The following PPARGC1A variants were observed in gnomAD, a reference collection of about 807,000 sequenced individuals.
PPARGC1A encodes the protein PPARG coactivator 1 alpha, also known as peroxisome proliferator-activated receptor gamma coactivator 1-alpha.
Under a neutral mutation model 88.7 loss-of-function variants are expected in PPARGC1A, and 25 were observed. The ratio of observed to expected loss-of-function variants is 0.28; its 90% confidence interval spans 0.21 to 0.39. The LOEUF is 0.39. PPARGC1A is among the 10% of genes least tolerant of loss of function. The pLI, the probability that PPARGC1A is intolerant of heterozygous loss-of-function variation, is 1.00. For synonymous variants in PPARGC1A, 363 were observed against 355.6 expected (o/e 1.02, Z -0.24); for missense variants, 880 against 968.7 (o/e 0.91, Z 1.22).
At chr4:23,909,572 T>C in the PPARGC1A span, among the ~76,000 whole-genome samples, 1 of 151,680 alleles carries the variant, frequency 6.6e-6, no homozygotes, top group Non-Finnish European at 1.5e-5. Flanking sequence ...TTTTGAGGGG[T>C]GCCTGCTGGG....
the PPARGC1A span, among the ~76,000 whole-genome samples, chr4:24,125,124 G>T: frequency 6.6e-6 from 1 of 152,146 alleles, no homozygotes; most frequent in Non-Finnish European, 1.5e-5. Context: ...TGTATTTTAT[G>T]ATCAATTCAA....
the PPARGC1A span, among the ~76,000 whole-genome samples, chr4:24,291,432 C>T: frequency 6.7e-6 from 1 of 148,426 alleles, no homozygotes; most frequent in African/African-American, 2.5e-5. Context: ...TGGCATTGAA[C>T]AATGAATCAT....
the PPARGC1A span, among the ~76,000 whole-genome samples, chr4:23,953,849 T>TG: frequency 6.6e-6 from 1 of 152,056 alleles, no homozygotes; most frequent in African/African-American, 2.4e-5. Flanking sequence ...TTGTCACATG[T>TG]GGAAAACAAT....
intron 1 of PPARGC1A, among the ~76,000 whole-genome samples, chr4:23,888,157 C>T (rs2970874): frequency 0.032 from 4,822 of 152,266 alleles, 239 homozygotes; most frequent in African/African-American, 0.11. Flanking sequence ...GAGCCGCTGC[C>T]ATGTAGGCAA....
the PPARGC1A span, among the ~76,000 whole-genome samples, chr4:23,977,135 C>T: frequency 6.6e-6 from 1 of 152,100 alleles, no homozygotes; most frequent in Admixed American, 6.5e-5. Flanking sequence ...GAGAGGAATG[C>T]TCCTTGGTAT....
chr4:24,033,465 A>C, the PPARGC1A span, among the ~76,000 whole-genome samples: 1 of 152,122 alleles, frequency 6.6e-6, no homozygotes, highest in Non-Finnish European at 1.5e-5. Context: ...ACAGAAGAGC[A>C]GTGTAAGAGA....
At chr4:23,891,743 T>G (rs1291778534), upstream of PPARGC1A, among the ~76,000 whole-genome samples, 1 of 152,166 alleles carries the variant, frequency 6.6e-6, no homozygotes, top group East Asian at 1.9e-4. Flanking sequence ...ATTTTCCCTT[T>G]TATAAACAGC....
At chr4:24,148,542 C>A in the PPARGC1A span, among the ~76,000 whole-genome samples, 6 of 152,190 alleles carry the variant, frequency 3.9e-5, no homozygotes, top group Non-Finnish European at 2.9e-5. Flanking sequence ...ATGTAAGCAA[C>A]ATAGCCTCTG....
intron 2 of PPARGC1A, among the ~76,000 whole-genome samples, chr4:23,850,311 G>A (rs938770149): frequency 2.6e-5 from 4 of 152,130 alleles, no homozygotes; most frequent in African/African-American, 9.7e-5. Flanking sequence ...GGGAGCTGTC[G>A]CTAAAATAAA....
the PPARGC1A span, among the ~76,000 whole-genome samples, chr4:24,355,522 C>T: frequency 6.6e-6 from 1 of 152,072 alleles, no homozygotes; most frequent in Admixed American, 6.5e-5. Flanking sequence ...TACAAAATCC[C>T]AGGTGTGGGT....
chr4:24,116,469 A>G, the PPARGC1A span, among the ~76,000 whole-genome samples: 1 of 152,208 alleles, frequency 6.6e-6, no homozygotes, highest in African/African-American at 2.4e-5. Flanking sequence ...AAATAACAAG[A>G]TTTCTAAAAG....
the PPARGC1A span, among the ~76,000 whole-genome samples, chr4:24,362,165 C>T: frequency 6.6e-6 from 1 of 152,150 alleles, no homozygotes; most frequent in African/African-American, 2.4e-5. Context: ...ATTCCCAGTG[C>T]CTGCCCTTCA....
intron 2 of PPARGC1A, among the ~76,000 whole-genome samples, chr4:23,868,825 T>C (rs1023821060): frequency 6.6e-6 from 1 of 152,280 alleles, no homozygotes; most frequent in Admixed American, 6.5e-5. Context: ...ATACCGTTTA[T>C]GGAAATGGTG....
chr4:23,829,115 C>G (rs577473444), intron 4 of PPARGC1A, among the ~76,000 whole-genome samples: 3 of 152,306 alleles, frequency 2.0e-5, no homozygotes, highest in Non-Finnish European at 2.9e-5. Flanking sequence ...TCAGGTTAGA[C>G]AGCTAGCAAA....
chr4:24,006,062 C>CT, the PPARGC1A span, among the ~76,000 whole-genome samples: 1 of 151,810 alleles, frequency 6.6e-6, no homozygotes, highest in African/African-American at 2.4e-5. Flanking sequence ...TTTTGTTTTG[C>CT]TTTTTTGAGA....
At chr4:24,132,453 T>A in the PPARGC1A span, among the ~76,000 whole-genome samples, 1,086 of 152,298 alleles carry the variant, frequency 7.1e-3, 12 homozygotes, top group African/African-American at 0.025. Context: ...AGTTAAACAG[T>A]GCAGAACTCT....
the PPARGC1A span, among the ~76,000 whole-genome samples, chr4:24,387,826 G>GAAAGAA: frequency 6.6e-3 from 347 of 52,954 alleles, 18 homozygotes; most frequent in Middle Eastern, 0.031. Flanking sequence ...GAAAGAAAGA[G>GAAAGAA]AGAAAGAGAG....
chr4:23,936,523 G>C, the PPARGC1A span, among the ~76,000 whole-genome samples: 1 of 152,122 alleles, frequency 6.6e-6, no homozygotes, highest in South Asian at 2.1e-4. Context: ...GATCACCTGA[G>C]GTCTGGAGTT....
chr4:24,053,384 A>G, the PPARGC1A span, among the ~76,000 whole-genome samples: 1 of 152,190 alleles, frequency 6.6e-6, no homozygotes, highest in Non-Finnish European at 1.5e-5. Flanking sequence ...AGCAAAATAC[A>G]AGAGAGAGTA....
Sources: allele counts gnomAD v4.1 joint callset (sites outside exome capture counted in the v4.1 genomes callset), GRCh38; gene constraint gnomAD v4.1.1; transcripts MANE v1.5; gene names NCBI Gene and HGNC (gene_info 2026-07-23, HGNC 2026-07-21).